The following HLCS variants were observed in gnomAD, a reference collection of about 807,000 sequenced individuals.
HLCS encodes holocarboxylase synthetase, also known as biotin--protein ligase.
A neutral mutation model predicts 75.0 loss-of-function variants in HLCS; 53 were observed. The observed-to-expected ratio is 0.71, with a 90% CI of 0.57 to 0.89. The LOEUF (loss-of-function observed/expected upper bound fraction) is 0.89. Among genes scored for constraint, HLCS ranks in the 40% least tolerant of loss-of-function variants. HLCS has a pLI of 0.00. For missense variants in HLCS, 966 were observed against 1,074.0 expected, an observed-to-expected ratio of 0.90 and a Z score of 1.41; for synonymous variants, 431 against 428.6, an observed-to-expected ratio of 1.01 and a Z score of -0.07.
intron 5 of HLCS, among the ~76,000 whole-genome samples, chr21:36,897,625 C>T (rs1268069457): frequency 1.3e-5 from 2 of 152,188 alleles, no homozygotes; most frequent in Admixed American, 6.5e-5. Context: ...AGAGAATCTC[C>T]GCTTCCTCTT....
At chr21:36,983,863 A>T (rs2069177506) in intron 1 of HLCS, among the ~76,000 whole-genome samples, 1 of 151,684 alleles carries the variant, frequency 6.6e-6, no homozygotes, top group Admixed American at 6.6e-5. Flanking sequence ...TTTTTTTTTA[A>T]GACAGGGTAT....
chr21:36,753,778 C>A lies in HLCS; in HGVS notation c.*468G>T, dbSNP rs1425718872. 1 of 201,800 alleles carries A rather than the reference C, an allele frequency of 5.0e-6. No homozygotes were observed. The highest frequency in any genetic ancestry group is 8.7e-5 in the South Asian group (1 of 11,514). 12.5% of individuals were successfully genotyped at this position (201,800 alleles called of 1,614,324 possible). Reference sequence around the variant, plus strand: ...ACAGAACAATGACTAAGTGTCCAAGCATGTTCTTACAGTTCAGTACCTCCC... The same window carrying A: ...ACAGAACAATGACTAAGTGTCCAAGAATGTTCTTACAGTTCAGTACCTCCC... On this transcript the variant is annotated 3_prime_UTR_variant, in exon 11 of 11. Coordinates refer to ENST00000674895, the MANE Select transcript of HLCS (RefSeq NM_001352514.2). This position sits in a 1 kb window ranked among gnomAD's most constrained non-coding sequence, Gnocchi z 4.3.
chr21:36,965,366 A>C (rs2068512042), intron 1 of HLCS, among the ~76,000 whole-genome samples: 1 of 152,234 alleles, frequency 6.6e-6, no homozygotes, highest in Non-Finnish European at 1.5e-5. Context: ...GATGTCCATG[A>C]AATTTTGTGC....
At chr21:36,825,522 A>G (rs2061980032) in intron 6 of HLCS, among the ~76,000 whole-genome samples, 1 of 152,130 alleles carries the variant, frequency 6.6e-6, no homozygotes, top group Admixed American at 6.5e-5. Flanking sequence ...TACGTGATTA[A>G]AAAAATACAC....
Position 36,908,283 on chromosome 21 carries a change from G to C in HLCS, c.1621-11152C>G, listed in dbSNP as rs537982578. On this transcript the variant is annotated intron_variant, in intron 5 of 10. Coordinates refer to ENST00000674895, the MANE Select transcript of HLCS (RefSeq NM_001352514.2). The stretch of plus-strand genomic sequence containing the variant: ...TACACACCTATATCCCAGCTATTCA[G>C]GAGGTTGAGGTGGCAGGATCACTTG... 3.9e-5 allele frequency among the ~76,000 whole-genome samples: 6 copies of C among 152,078 alleles called. No individual in the cohort carries two copies. In the South Asian group the frequency reaches 1.0e-3, roughly 26 times the overall value.
intron 6 of HLCS, among the ~76,000 whole-genome samples, chr21:36,849,038 G>A (rs543799645): frequency 1.3e-5 from 2 of 152,210 alleles, no homozygotes; most frequent in South Asian, 4.1e-4. Flanking sequence ...CCCCTGTGAA[G>A]ACAATAACAA....
chr21:36,816,965 C>T (rs761751356), intron 6 of HLCS, among the ~76,000 whole-genome samples: 1 of 152,166 alleles, frequency 6.6e-6, no homozygotes, highest in African/African-American at 2.4e-5. Context: ...CTGCTCAGAT[C>T]CCAGTAAGAC....
intron 2 of HLCS, among the ~76,000 whole-genome samples, chr21:36,953,598 T>C (rs922882045): frequency 2.6e-5 from 4 of 152,174 alleles, no homozygotes; most frequent in African/African-American, 7.2e-5. Flanking sequence ...CTTAAGACGC[T>C]GTACATCTTT....
intron 6 of HLCS, among the ~76,000 whole-genome samples, chr21:36,824,427 C>T (rs1341123175): frequency 3.3e-5 from 5 of 152,126 alleles, no homozygotes; most frequent in Admixed American, 1.3e-4. Context: ...ATAACACACA[C>T]TGGGGCCTGT....
At chr21:36,934,653 T>C (rs1181240629) in intron 4 of HLCS, among the ~76,000 whole-genome samples, 3 of 152,198 alleles carry the variant, frequency 2.0e-5, no homozygotes, top group African/African-American at 7.2e-5. Context: ...TGCAGCTTAC[T>C]CGGCTGGGAC....
chr21:36,917,162 C>T (rs574797627), intron 5 of HLCS, among the ~76,000 whole-genome samples: 19 of 152,254 alleles, frequency 1.2e-4, no homozygotes, highest in African/African-American at 4.3e-4. Context: ...GCTTGAAAGG[C>T]CCTGCCAGCT....
chr21:36,981,915 G>C (rs921668590), intron 1 of HLCS, among the ~76,000 whole-genome samples: 1 of 152,164 alleles, frequency 6.6e-6, no homozygotes, highest in African/African-American at 2.4e-5. Context: ...CTCCCAAAGA[G>C]GAGGAAATAA....
At chr21:36,882,294 T>C (rs993619725) in intron 6 of HLCS, among the ~76,000 whole-genome samples, 3 of 150,332 alleles carry the variant, frequency 2.0e-5, no homozygotes, top group Non-Finnish European at 3.0e-5. Flanking sequence ...AAAAAAAAAA[T>C]TAAGCCACAG....
intron 2 of HLCS, among the ~76,000 whole-genome samples, chr21:36,956,717 G>A (rs942350553): frequency 1.4e-4 from 22 of 151,874 alleles, no homozygotes; most frequent in African/African-American, 3.9e-4. Flanking sequence ...GCAACAGAGC[G>A]AGACTCCGTC....
intron 6 of HLCS, among the ~76,000 whole-genome samples, chr21:36,886,718 C>T (rs1335932995): frequency 6.6e-6 from 1 of 152,150 alleles, no homozygotes; most frequent in Non-Finnish European, 1.5e-5. Flanking sequence ...ATGGTAATCA[C>T]TTTTGCAGGT....
chr21:36,835,673 C>A (rs1253672596), intron 6 of HLCS, among the ~76,000 whole-genome samples: 1 of 152,168 alleles, frequency 6.6e-6, no homozygotes, highest in Non-Finnish European at 1.5e-5. Context: ...CTCTCCCAAT[C>A]CAGGGCAGAA....
intron 2 of HLCS, among the ~76,000 whole-genome samples, chr21:36,942,929 T>TAA (rs937295288): frequency 7.0e-6 from 1 of 143,328 alleles, no homozygotes; most frequent in Admixed American, 7.0e-5. Context: ...GACTCCATCT[T>TAA]AAAAAAAAAA....
At chr21:36,919,799 T>A (rs1351499226) in intron 5 of HLCS, among the ~76,000 whole-genome samples, 4 of 152,222 alleles carry the variant, frequency 2.6e-5, no homozygotes, top group Non-Finnish European at 2.9e-5. Flanking sequence ...TGAAATTAAC[T>A]GTGAAGATGT....
At chr21:36,858,092 T>C (rs1384381381) in intron 6 of HLCS, among the ~76,000 whole-genome samples, 1 of 152,064 alleles carries the variant, frequency 6.6e-6, no homozygotes, top group African/African-American at 2.4e-5. Context: ...CTGGCCAGGA[T>C]CTTGTTTATT....
Sources: allele counts gnomAD v4.1 joint callset (sites outside exome capture counted in the v4.1 genomes callset), GRCh38; gene constraint gnomAD v4.1.1; non-coding constraint Gnocchi (gnomAD v3.1); transcripts MANE v1.5; gene names NCBI Gene and HGNC (gene_info 2026-07-23, HGNC 2026-07-21).